The following RNPC3 variants were observed in gnomAD, a reference collection of about 807,000 sequenced individuals.
The protein encoded by RNPC3 is RNA binding region (RNP1, RRM) containing 3, also known as RNA-binding region-containing protein 3.
In RNPC3, 48 loss-of-function variants were observed where a neutral mutation model predicts 67.5. That is an observed-to-expected ratio of 0.71 (90% CI 0.56 to 0.90). The LOEUF (loss-of-function observed/expected upper bound fraction) is 0.90, where lower values mean the gene tolerates loss of function less well. RNPC3 is among the 40% of genes least tolerant of loss of function. The pLI is 0.00. For synonymous variants in RNPC3, 239 were observed against 210.3 expected, an observed-to-expected ratio of 1.14 and a Z score of -1.18; for missense variants, 637 against 626.1, an observed-to-expected ratio of 1.02 and a Z score of -0.19.
rs574736349 is a variant in RNPC3 at position 103,541,441 on chromosome 1, G to A, written c.859G>A (p.Asp287Asn). The change falls in exon 8 of 15, where the codon GAT becomes AAT. Residue 287 changes from aspartate to asparagine, a missense_variant. Transcript: ENST00000423855. ...TGTGAGAAAAAAGAGAAAAATAAAG[G>A]ATATGTTGAATACACCTTTGTGTCC... The part of the protein sequence containing the change: ...RHVRKKRKIK[D>N]MLNTPLCPSH... The A allele has an allele frequency of 2.6e-4, 395 of 1,493,026 alleles. 3 individuals are homozygous for A. The Middle Eastern group carries it at 8.9e-3, about 34-fold the overall frequency. 92.5% of individuals were successfully genotyped at this position (1,493,026 alleles called of 1,614,324 possible).
Position 103,527,741 on chromosome 1 carries a change from A to G in RNPC3, c.239A>G (p.Lys80Arg). ...TTCCCTAATGAAAAAGCAGCTATAAAGGTATGACTTTTTCTTGACGATTAA... is the reference window on the plus strand; with the variant it reads ...TTCCCTAATGAAAAAGCAGCTATAAGGGTATGACTTTTTCTTGACGATTAA... ...ATFPNEKAAI[K>R]ALTRLHQLKL... The change falls in exon 2 of 15, where the codon AAG (lysine) becomes AGG (arginine). Residue 80 changes from lysine (K) to arginine (R), a missense_variant and splice_region_variant. By Grantham distance (26) the Lys-to-Arg change is conservative. Transcript: ENST00000423855. 1.3e-6 allele frequency: 2 copies of G among 1,545,412 alleles called. No individual in the cohort carries two copies. Among genetic ancestry groups the G allele is most frequent in the Non-Finnish European group, 1.8e-6 (2 of 1,142,038 alleles).
chr1:103,535,487 G>GAAAA, intron 5 of RNPC3, 46 bp downstream of exon 5: 1 of 1,168,390 alleles, frequency 8.6e-7, no homozygotes, highest in Non-Finnish European at 1.2e-6. Flanking sequence ...TGTATAGCTT[G>GAAAA]ATACTTTATT....
chr1:103,541,417 G>A lies in RNPC3; in HGVS notation c.835G>A (p.Val279Met), dbSNP rs1651122834. 6.7e-7 allele frequency: 1 copy of A among 1,495,950 alleles called. No homozygotes were observed. Among genetic ancestry groups the A allele is most frequent in the East Asian group, 2.6e-5 (1 of 38,410 alleles). The allele number at this position is 1,495,950 out of a possible 1,614,324, so 92.7% of individuals were successfully genotyped here. The change falls in exon 8 of 15, where the codon GTG becomes ATG. Residue 279 changes from valine (V) to methionine (M), a missense_variant. By Grantham distance (21) the Val-to-Met change is conservative (BLOSUM62 1). Coordinates refer to ENST00000423855, the MANE Select transcript of RNPC3 (RefSeq NM_017619.4). Reference protein sequence around the residue: ...KRPKTIKQRHVRKKRKIKDML... With the variant: ...KRPKTIKQRHMRKKRKIKDML... ...ACCTAAAACAATAAAGCAGCGCCAT[G>A]TGAGAAAAAAGAGAAAAATAAAGGA...
chr1:103,538,119 A>G (rs1651039012), intron 7 of RNPC3, among the ~76,000 whole-genome samples: 1 of 152,184 alleles, frequency 6.6e-6, no homozygotes, highest in South Asian at 2.1e-4. Flanking sequence ...TGCTGGGATT[A>G]CAGGCATTAG....
At position 103,551,793 on chromosome 1, in the gene RNPC3, G is replaced by T; in HGVS notation, c.*12+1G>T. On this transcript the variant is annotated splice_donor_variant, in intron 14 of 14. Coordinates refer to ENST00000423855, the MANE Select transcript of RNPC3 (RefSeq NM_017619.4). LOFTEE classifies it low-confidence loss of function (3UTR_SPLICE). ...AAGAAAGTGTTAAAAATTAATAAAG[G>T]TAAGTGTGAATAAAACATAATAAAA... 7.1e-7 allele frequency: 1 copy of T among 1,404,896 alleles called. No individual in the cohort carries two copies. Among genetic ancestry groups the T allele is most frequent in the Non-Finnish European group, 9.7e-7 (1 of 1,030,966 alleles). 87.0% of individuals were successfully genotyped at this position (1,404,896 alleles called of 1,614,324 possible). A position where few individuals can be genotyped will look rare whatever the true frequency, so the allele number is the denominator to read the frequency against.
chr1:103,529,984 C>T (rs1432211052), intron 2 of RNPC3, among the ~76,000 whole-genome samples: 2 of 151,936 alleles, frequency 1.3e-5, no homozygotes, highest in African/African-American at 4.8e-5. Flanking sequence ...ATCTAGGTTG[C>T]GCTCTCAATG....
At chr1:103,543,895 T>G (rs1307971027) in intron 9 of RNPC3, among the ~76,000 whole-genome samples, 1 of 151,766 alleles carries the variant, frequency 6.6e-6, no homozygotes, top group Non-Finnish European at 1.5e-5. Context: ...TGGAAGATTG[T>G]TTGCCAAGAA....
At chr1:103,531,626 G>A (rs1330628257) in intron 2 of RNPC3, among the ~76,000 whole-genome samples, 1 of 151,958 alleles carries the variant, frequency 6.6e-6, no homozygotes, top group Middle Eastern at 3.2e-3. Flanking sequence ...CATGTTTGTT[G>A]GCCATTTGTG....
chr1:103,541,583 GT>G, intron 8 of RNPC3, 108 bp downstream of exon 8: 1 of 1,081,408 alleles, frequency 9.2e-7, no homozygotes, highest in Non-Finnish European at 1.3e-6. Flanking sequence ...AGTGTTCTTG[GT>G]TTACATTGGC....
At chr1:103,550,166 A>T (rs541434330) in intron 12 of RNPC3, among the ~76,000 whole-genome samples, 1 of 151,924 alleles carries the variant, frequency 6.6e-6, no homozygotes, top group Non-Finnish European at 1.5e-5. Context: ...TCTGTCTCAA[A>T]AATAATAATA....
Position 103,551,755 on chromosome 1 carries a change from C to A in RNPC3, c.1529C>A (p.Pro510His). ...FARSARPKQD[P>H]KEGKRKC is the part of the protein sequence containing the mutation. ...CGATCTGCTAGACCAAAACAAGATC[C>A]TAAGGAAGGAAAAAGAAAGTGTTAA... is the stretch of plus-strand genomic sequence containing the variant. The change falls in exon 14 of 15, where the codon CCT becomes CAT. Residue 510 changes from proline (P) to histidine (H), a missense_variant. Coordinates refer to ENST00000423855, the MANE Select transcript of RNPC3 (RefSeq NM_017619.4). The A allele has an allele frequency of 6.5e-7, 1 of 1,528,360 alleles. No homozygotes were observed. 94.7% of individuals were successfully genotyped at this position (1,528,360 alleles called of 1,614,324 possible). A position where few individuals can be genotyped will look rare whatever the true frequency, so the allele number is the denominator to read the frequency against.
rs144523577 is a variant in RNPC3 at position 103,548,296 on chromosome 1, C to T, written c.1361+1261C>T. Among the ~76,000 whole-genome samples the T allele has an allele frequency of 3.7e-3, 556 of 152,188 alleles. 5 individuals carry two copies. The highest frequency in any genetic ancestry group is 0.013 in the African/African-American group (526 of 41,518). ...TTGCATTGTCAGACTGCAAATTTTC[C>T]GAACTTTTATGCTGTGTTTCCTTTT... is the stretch of plus-strand genomic sequence containing the variant. On this transcript the variant is annotated intron_variant, in intron 12 of 14. Coordinates refer to ENST00000423855, the MANE Select transcript of RNPC3 (RefSeq NM_017619.4).
chr1:103,534,548 C>T (rs565009320), intron 3 of RNPC3, among the ~76,000 whole-genome samples: 4 of 151,726 alleles, frequency 2.6e-5, no homozygotes. Context: ...ATGTGTAGTG[C>T]TCAATGTAAT....
Position 103,543,437 on chromosome 1 carries a change from A to G in RNPC3, c.1035A>G (p.Glu345=), listed in dbSNP as rs1258526738. ...TAGAAAAGGAACAAAATTGTGAGGAAAAAAATCATGGTAAGGATATTCTAG... is the reference window on the plus strand; with the variant it reads ...TAGAAAAGGAACAAAATTGTGAGGAGAAAAATCATGGTAAGGATATTCTAG... ...KDLEKEQNCE[E]KNHDLPATEV... The change falls in exon 9 of 15, where the codon GAA becomes GAG. Residue 345 remains glutamate (E), a synonymous_variant. Transcript: ENST00000423855. The G allele has an allele frequency of 2.0e-6, 3 of 1,507,550 alleles. No homozygotes were observed. The highest frequency in any genetic ancestry group is 1.3e-5 in the South Asian group (1 of 78,754). The allele number at this position is 1,507,550 out of a possible 1,614,324, so 93.4% of individuals were successfully genotyped here. A position where few individuals can be genotyped will look rare whatever the true frequency, so the allele number is the denominator to read the frequency against.
chr1:103,534,817 G>C lies in RNPC3; in HGVS notation c.403G>C (p.Gly135Arg). The C allele has an allele frequency of 6.5e-7, 1 of 1,531,872 alleles. No individual in the cohort carries two copies. The highest frequency in any genetic ancestry group is 8.7e-7 in the Non-Finnish European group (1 of 1,144,440). The allele number at this position is 1,531,872 out of a possible 1,614,324, so 94.9% of individuals were successfully genotyped here. Residue 135 changes from glycine to arginine, a missense_variant, in exon 4 of 15, where the codon GGT (glycine) becomes CGT (arginine). Physicochemically the swap from Gly to Arg is moderately radical, Grantham distance 125. Coordinates refer to ENST00000423855, the MANE Select transcript of RNPC3 (RefSeq NM_017619.4). ...VEDDKEKKELGYLTVENGIAP... is the reference protein window; with the variant it reads ...VEDDKEKKELRYLTVENGIAP... ...AGATGATAAAGAAAAAAAAGAACTT[G>C]GTTATTTAACAGTAGAAAATGGAAT... is the stretch of plus-strand genomic sequence containing the variant.
rs370588175 is a variant in RNPC3, at chr1:103,537,382, C to T, written c.665C>T (p.Thr222Ile). 1.6e-5 allele frequency: 24 copies of T among 1,535,852 alleles called. No homozygotes were observed. The African/African-American group carries it at 2.7e-4, about 18-fold the overall frequency. The change falls in exon 7 of 15, where the codon ACA becomes ATA. Residue 222 changes from threonine to isoleucine, a missense_variant. Physicochemically the swap from Thr to Ile is moderately conservative, Grantham distance 89. This residue lies in a region of RNPC3 where 536 missense variants were observed against 500.3 expected (regional missense o/e 1.07). Transcript: ENST00000423855. ...YMPLHAPLPPTSPQPPEEPPL... is the reference protein window; with the variant it reads ...YMPLHAPLPPISPQPPEEPPL... ...CCATTGCATGCACCTCTTCCACCCA[C>T]ATCTCCTCAGCCACCTGAGGAACCT...
chr1:103,547,499 T>A (rs970856320), intron 12 of RNPC3, among the ~76,000 whole-genome samples: 1 of 152,148 alleles, frequency 6.6e-6, no homozygotes, highest in African/African-American at 2.4e-5. Context: ...AGAGTCTGAT[T>A]TTCTAGGTTT....
Position 103,537,834 on chromosome 1 carries a change from T to TTTA in RNPC3, c.767+371_767+373dup, listed in dbSNP as rs911693249. Among the ~76,000 whole-genome samples, 181 of 151,610 alleles carry TTTA rather than the reference T, an allele frequency of 1.2e-3. 1 individual carries two copies. The highest frequency in any genetic ancestry group is 3.4e-3 in the African/African-American group (141 of 41,374). On this transcript the variant is annotated intron_variant, in intron 7 of 14. Coordinates refer to ENST00000423855, the MANE Select transcript of RNPC3 (RefSeq NM_017619.4). ...AAATCAATAATCGACGTGCTTTTTATTTATTATTATTATTATTATTATTTT... is the reference window on the plus strand; with the variant it reads ...AAATCAATAATCGACGTGCTTTTTATTTATTATTATTATTATTATTATTATTTT...
chr1:103,537,425 T>C lies in RNPC3; in HGVS notation c.708T>C (p.Asp236=). 1.3e-6 allele frequency: 2 copies of C among 1,536,524 alleles called. No individual in the cohort carries two copies. The highest frequency in any genetic ancestry group is 1.7e-6 in the Non-Finnish European group (2 of 1,146,476). The change falls in exon 7 of 15, where the codon GAT becomes GAC. Residue 236 remains aspartate (D), a synonymous_variant. Coordinates refer to ENST00000423855, the MANE Select transcript of RNPC3 (RefSeq NM_017619.4). ...AGGAACCTCCTTTGCCAGACGAGGA[T>C]GAGGAATTATCTAGTGAAGAATCAG... ...PPEEPPLPDE[D]EELSSEESEY...
Sources: gnomAD v4.1 joint callset for allele counts (sites outside exome capture counted in the v4.1 genomes callset) on GRCh38, gnomAD v4.1.1 for gene constraint, gnomAD v4.1.1 regional missense constraint, MANE v1.5 for transcripts, NCBI Gene and HGNC (gene_info 2026-07-23, HGNC 2026-07-21) for gene names.